The following CCDC14 variants were observed in gnomAD, a reference collection of about 807,000 sequenced individuals.
The protein encoded by CCDC14 is coiled-coil domain-containing protein 14.
A neutral mutation model predicts 81.4 loss-of-function variants in CCDC14; 71 were observed. The observed-to-expected ratio is 0.87, with a 90% CI of 0.72 to 1.06. The LOEUF (loss-of-function observed/expected upper bound fraction) is 1.06. Among genes scored for constraint, CCDC14 ranks in the 50% least tolerant of loss-of-function variants. CCDC14 has a pLI of 0.00. For missense variants in CCDC14, 1,046 were observed against 1,047.3 expected, an observed-to-expected ratio of 1.00 and a Z score of 0.02; for synonymous variants, 332 against 364.8, an observed-to-expected ratio of 0.91 and a Z score of 1.03.
chr3:123,928,639 C>T (rs2035525233), intron 12 of CCDC14, among the ~76,000 whole-genome samples: 1 of 152,138 alleles, frequency 6.6e-6, no homozygotes, highest in South Asian at 2.1e-4. Context: ...ATGCTTCACA[C>T]ATATATATTT....
chr3:123,928,219 C>A (rs897250246), intron 12 of CCDC14, among the ~76,000 whole-genome samples: 2 of 151,470 alleles, frequency 1.3e-5, no homozygotes, highest in East Asian at 1.9e-4. Flanking sequence ...CGTATCTGGC[C>A]TGGCACGGTG....
downstream of CCDC14, among the ~76,000 whole-genome samples, chr3:123,895,926 C>T (rs1435849663): frequency 6.6e-6 from 1 of 152,112 alleles, no homozygotes; most frequent in Non-Finnish European, 1.5e-5. Context: ...TGTATATATT[C>T]AAAAGAAATG....
intron 9 of CCDC14, among the ~76,000 whole-genome samples, chr3:123,934,727 A>G (rs1223215811): frequency 2.0e-5 from 3 of 152,174 alleles, no homozygotes; most frequent in Non-Finnish European, 4.4e-5. Context: ...AGTTACCTCT[A>G]TTATCTTTCC....
downstream of CCDC14, among the ~76,000 whole-genome samples, chr3:123,912,082 A>C (rs1009785377): frequency 6.6e-6 from 1 of 152,148 alleles, no homozygotes; most frequent in East Asian, 1.9e-4. Context: ...ACAACTACTA[A>C]ATTCATTGTA....
In CCDC14 at chr3:123,923,200, T is replaced by C. The variant is rs564076714; in HGVS notation, c.1779-7482A>G. ...AAAACTATATGATCATCGCAAAAGA[T>C]GCAGAAAATGCACTTGATACATTTC... On this transcript the variant is annotated intron_variant, in intron 12 of 12. Coordinates refer to ENST00000409697, the MANE Select transcript of CCDC14 (RefSeq NM_001366335.1). 1.9e-4 allele frequency among the ~76,000 whole-genome samples: 29 copies of C among 152,162 alleles called. 1 individual carries two copies. In the South Asian group the frequency reaches 5.8e-3, roughly 31 times the overall value.
chr3:123,930,807 G>T, intron 12 of CCDC14: 1 of 249,368 alleles, frequency 4.0e-6, no homozygotes, highest in Non-Finnish European at 7.5e-6. Context: ...ATTCCAGTCA[G>T]ATCTCTCTAG....
intron 12 of CCDC14, among the ~76,000 whole-genome samples, chr3:123,930,146 G>C (rs1369782501): frequency 6.6e-6 from 1 of 152,086 alleles, no homozygotes; most frequent in Non-Finnish European, 1.5e-5. Context: ...AAATATAAAT[G>C]TGGAAAAAGG....
At chr3:123,960,421 T>C (rs1198873596) in intron 1 of CCDC14, among the ~76,000 whole-genome samples, 1 of 152,232 alleles carries the variant, frequency 6.6e-6, no homozygotes, top group African/African-American at 2.4e-5. Context: ...GGCATCAGTT[T>C]TGTGAGTCTG....
chr3:123,910,402 C>A (rs527576979), downstream of CCDC14, among the ~76,000 whole-genome samples: 2 of 151,968 alleles, frequency 1.3e-5, no homozygotes, highest in African/African-American at 2.4e-5. Context: ...ACTGACAAAC[C>A]GGTGGACATC....
At chr3:123,905,346 C>T (rs2034284337) in intron 5 of CCDC14, among the ~76,000 whole-genome samples, 1 of 152,178 alleles carries the variant, frequency 6.6e-6, no homozygotes, top group South Asian at 2.1e-4. Context: ...GCACATTGTT[C>T]TGAGTGAGTC....
chr3:123,932,695 T>C (rs1024008976), intron 10 of CCDC14, among the ~76,000 whole-genome samples: 1 of 152,206 alleles, frequency 6.6e-6, no homozygotes, highest in African/African-American at 2.4e-5. Context: ...GGTACTATTA[T>C]AGTTTCTTTA....
At chr3:123,955,715 G>T in intron 5 of CCDC14, 128 bp downstream of exon 5, 1 of 756,018 alleles carries the variant, frequency 1.3e-6, no homozygotes, top group Non-Finnish European at 2.0e-6. Flanking sequence ...ATACAGAAAG[G>T]CATAAGCACA....
At chr3:123,899,509 A>G (rs993787690) in intron 5 of CCDC14, among the ~76,000 whole-genome samples, 9 of 152,178 alleles carry the variant, frequency 5.9e-5, no homozygotes, top group African/African-American at 9.7e-5. Context: ...GGTTAATGAC[A>G]CTGACACCCA....
At chr3:123,930,011 T>C (rs1400983341) in intron 12 of CCDC14, among the ~76,000 whole-genome samples, 1 of 152,234 alleles carries the variant, frequency 6.6e-6, no homozygotes, top group African/African-American at 2.4e-5. Context: ...TTATTTTGAA[T>C]AAGACTGGTA....
intron 10 of CCDC14, among the ~76,000 whole-genome samples, chr3:123,933,174 G>A (rs2035847067): frequency 6.6e-6 from 1 of 152,078 alleles, no homozygotes; most frequent in South Asian, 2.1e-4. Context: ...GATTTTCACT[G>A]CAATGTTGTT....
the CCDC14 span, among the ~76,000 whole-genome samples, chr3:123,885,939 T>A: frequency 5.3e-3 from 808 of 152,206 alleles, 6 homozygotes; most frequent in African/African-American, 0.018. Context: ...CCTGCTTTTT[T>A]TTAAAAAAAT....
chr3:123,912,919 C>T (rs1322517202), downstream of CCDC14, among the ~76,000 whole-genome samples: 1 of 152,100 alleles, frequency 6.6e-6, no homozygotes, highest in Non-Finnish European at 1.5e-5. Flanking sequence ...ACGGTACATC[C>T]TAATATACCA....
the CCDC14 span, among the ~76,000 whole-genome samples, chr3:123,887,480 C>CAAA: frequency 9.6e-3 from 1,399 of 145,124 alleles, 5 homozygotes; most frequent in East Asian, 0.016. Context: ...ACAACAACAA[C>CAAA]AAAAAAAAAA....
intron 5 of CCDC14, chr3:123,955,271 C>T (rs960719580): frequency 3.9e-5 from 6 of 151,988 alleles, no homozygotes; most frequent in African/African-American, 9.7e-5. Context: ...TTCTAGGCCT[C>T]CAAGGGACAA....
Sources: gnomAD v4.1 joint callset for allele counts (sites outside exome capture counted in the v4.1 genomes callset) on GRCh38, gnomAD v4.1.1 for gene constraint, MANE v1.5 for transcripts, NCBI Gene and HGNC (gene_info 2026-07-23, HGNC 2026-07-21) for gene names.